LRRC7: variants seen among roughly 807,000 people sequenced by gnomAD.
LRRC7 encodes leucine rich repeat containing 7, also known as leucine-rich repeat-containing protein 7.
LRRC7 carries 23 observed loss-of-function variants against 175.7 expected under a neutral mutation model. The observed-to-expected ratio is 0.13, with a 90% confidence interval of 0.09 to 0.19. The LOEUF (loss-of-function observed/expected upper bound fraction) is 0.19. Ranked by LOEUF, LRRC7 falls within the 10% of genes least tolerant of loss-of-function variation. The probability of loss-of-function intolerance (pLI) is 1.00; values close to 1 mark genes in which losing one functional copy is unlikely to be tolerated. For missense variants in LRRC7, 1,354 were observed against 1,904.7 expected (o/e 0.71, Z 5.38); for synonymous variants, 685 against 680.9 (o/e 1.01, Z -0.09).
intron 1 of LRRC7, among the ~76,000 whole-genome samples, chr1:69,663,700 A>ATTTT (rs552339451): frequency 0.017 from 1,144 of 67,778 alleles, 115 homozygotes; most frequent in African/African-American, 0.025. Flanking sequence ...AATCGTTTTA[A>ATTTT]TTTTTTTTTT....
At chr1:69,694,153 C>T (rs1662258072) in intron 2 of LRRC7, among the ~76,000 whole-genome samples, 1 of 152,164 alleles carries the variant, frequency 6.6e-6, no homozygotes, top group Admixed American at 6.5e-5. Context: ...CCTCTTGTAA[C>T]TTGCCTCATC....
chr1:69,999,221 A>G lies in LRRC7; in HGVS notation c.1004+4588A>G, dbSNP rs535455627. ...CTGGTATAAGCTTTTATACTACTGT[A>G]TTCAAAAGGAACAGATTTGGAAACA... On this transcript the variant is annotated intron_variant, in intron 11 of 26. Transcript: ENST00000651989. Among the ~76,000 whole-genome samples the G allele has an allele frequency of 1.4e-4, 21 of 152,330 alleles. No individual in the cohort carries two copies. In the South Asian group the frequency reaches 4.1e-3, roughly 30 times the overall value.
At chr1:70,107,003 T>G (rs1665192287) in intron 25 of LRRC7, among the ~76,000 whole-genome samples, 1 of 152,232 alleles carries the variant, frequency 6.6e-6, no homozygotes. Context: ...TCCACTAGAT[T>G]GTGAGCTCAT....
chr1:69,917,656 A>G (rs1646761894), intron 7 of LRRC7, among the ~76,000 whole-genome samples: 1 of 152,148 alleles, frequency 6.6e-6, no homozygotes, highest in Admixed American at 6.6e-5. Flanking sequence ...GTCCCCCACA[A>G]CAAACAATTA....
chr1:69,853,486 C>T (rs547047719), intron 7 of LRRC7, among the ~76,000 whole-genome samples: 1 of 152,056 alleles, frequency 6.6e-6, no homozygotes, highest in Admixed American at 6.6e-5. Context: ...ACCATGTTGG[C>T]CAGGCTGGTC....
intron 3 of LRRC7, among the ~76,000 whole-genome samples, chr1:69,785,588 G>T (rs145340539): frequency 1.2e-3 from 176 of 152,120 alleles, no homozygotes; most frequent in South Asian, 2.1e-3. Flanking sequence ...ATTTATCAAA[G>T]TCTTTTCCAC....
In LRRC7 at chr1:69,742,272, T is replaced by C. The variant is rs137912844; in HGVS notation, c.101-17919T>C. ...AATATCAAATAGTTTAGGACACTTA[T>C]TGGTTTGCATCAGAATTAGGGTTAG... is the stretch of plus-strand genomic sequence containing the variant. On this transcript the variant is annotated intron_variant, in intron 2 of 26. Transcript: ENST00000651989. Among the ~76,000 whole-genome samples, 445 of 152,140 alleles carry C rather than the reference T, an allele frequency of 2.9e-3. 3 individuals are homozygous for C. The highest frequency in any genetic ancestry group is 0.014 in the Middle Eastern group (4 of 294).
At chr1:69,599,857 G>T (rs904051344) in intron 1 of LRRC7, among the ~76,000 whole-genome samples, 1 of 152,154 alleles carries the variant, frequency 6.6e-6, no homozygotes, top group Admixed American at 6.5e-5. Context: ...CTTTGCCAAA[G>T]ATTGGTTTAA....
chr1:69,643,508 C>T (rs1654546915), intron 1 of LRRC7, among the ~76,000 whole-genome samples: 1 of 152,160 alleles, frequency 6.6e-6, no homozygotes, highest in Admixed American at 6.6e-5. Context: ...CTCCAGCCTC[C>T]TTCAGCTGTT....
intron 7 of LRRC7, among the ~76,000 whole-genome samples, chr1:69,868,483 G>T (rs1685168666): frequency 6.6e-6 from 1 of 152,114 alleles, no homozygotes; most frequent in Admixed American, 6.6e-5. Context: ...AGCGGTGTTA[G>T]CAGAGGTACA....
chr1:69,721,062 CTT>C (rs1165401328), intron 2 of LRRC7, among the ~76,000 whole-genome samples: 2 of 151,696 alleles, frequency 1.3e-5, no homozygotes, highest in Non-Finnish European at 3.0e-5. Context: ...AAAACATAGA[CTT>C]TATTTTTACA....
chr1:69,849,275 TAGG>T lies in LRRC7; in HGVS notation c.647+10995_647+10997del, dbSNP rs1682712939. ...TACACTATAGGAATTGGTTAAAAAGTAGGAGCATTATTTAGGAAATGTTCAGTG... is the reference window on the plus strand; with the variant it reads ...TACACTATAGGAATTGGTTAAAAAGTAGCATTATTTAGGAAATGTTCAGTG... On this transcript the variant is annotated intron_variant, in intron 7 of 26. Transcript: ENST00000651989. Among the ~76,000 whole-genome samples, 7 of 152,118 alleles carry T rather than the reference TAGG, an allele frequency of 4.6e-5. No individual in the cohort carries two copies. The East Asian group carries it at 1.3e-3, about 29-fold the overall frequency.
At chr1:69,593,315 T>A (rs1359320493) in intron 1 of LRRC7, among the ~76,000 whole-genome samples, 2 of 152,134 alleles carry the variant, frequency 1.3e-5, no homozygotes, top group African/African-American at 4.8e-5. Context: ...AATCCAAACG[T>A]ATTTAGTAAT....
intron 12 of LRRC7, among the ~76,000 whole-genome samples, chr1:70,012,598 A>T (rs144089843): frequency 6.6e-6 from 1 of 151,924 alleles, no homozygotes; most frequent in African/African-American, 2.4e-5. Flanking sequence ...TGCCTAGGAA[A>T]TGTCAACAAT....
chr1:69,895,236 A>C (rs1256549873), intron 7 of LRRC7, among the ~76,000 whole-genome samples: 2 of 152,168 alleles, frequency 1.3e-5, no homozygotes, highest in Non-Finnish European at 2.9e-5. Flanking sequence ...CCATCTCAAA[A>C]AAAACAATTA....
At chr1:70,050,658 A>AT (rs1161646456) in intron 22 of LRRC7, among the ~76,000 whole-genome samples, 7 of 151,992 alleles carry the variant, frequency 4.6e-5, no homozygotes, top group East Asian at 1.9e-4. Context: ...TGATAGCTTC[A>AT]TTTTTTTAAC....
intron 19 of LRRC7, 34 bp downstream of exon 19, chr1:70,036,266 A>T: frequency 1.3e-6 from 2 of 1,547,402 alleles, no homozygotes; most frequent in Non-Finnish European, 1.8e-6. Context: ...AAAATATGCT[A>T]CAAATGCATG....
At chr1:69,767,327 A>G (rs1671735407) in intron 3 of LRRC7, among the ~76,000 whole-genome samples, 1 of 152,162 alleles carries the variant, frequency 6.6e-6, no homozygotes, top group Non-Finnish European at 1.5e-5. Context: ...TTATTTTTAT[A>G]TTACACATAT....
chr1:69,646,213 T>C (rs971290476), intron 1 of LRRC7, among the ~76,000 whole-genome samples: 5 of 152,082 alleles, frequency 3.3e-5, no homozygotes, highest in African/African-American at 1.2e-4. Flanking sequence ...ATTAAAGTGC[T>C]AGAGCCTTAT....
Sources: allele counts gnomAD v4.1 joint callset (sites outside exome capture counted in the v4.1 genomes callset), GRCh38; gene constraint gnomAD v4.1.1; transcripts MANE v1.5; gene names NCBI Gene and HGNC (gene_info 2026-07-23, HGNC 2026-07-21).